Variants in MGAT4C observed in about 807,000 individuals in gnomAD.
The protein encoded by MGAT4C is MGAT4 family member C, also known as alpha-1,3-mannosyl-glycoprotein 4-beta-N-acetylglucosaminyltransferase C.
MGAT4C carries 19 observed loss-of-function variants against 40.1 expected under a neutral mutation model. The observed-to-expected ratio is 0.47, with a 90% CI of 0.33 to 0.70. MGAT4C has a LOEUF of 0.70. Ranked by LOEUF, MGAT4C falls within the 30% of genes least tolerant of loss-of-function variation. The pLI, the probability that MGAT4C is intolerant of heterozygous loss-of-function variation, is 0.02. For missense variants in MGAT4C, 491 were observed against 563.2 expected, an observed-to-expected ratio of 0.87 and a Z score of 1.30; for synonymous variants, 181 against 187.1, an observed-to-expected ratio of 0.97 and a Z score of 0.27.
At chr12:86,484,841 G>C (rs1957992117) in intron 2 of MGAT4C, among the ~76,000 whole-genome samples, 1 of 152,124 alleles carries the variant, frequency 6.6e-6, no homozygotes, top group African/African-American at 2.4e-5. Context: ...AGCAGGCTTG[G>C]TGAGTGGGGT....
chr12:86,452,393 C>G (rs1286125374), intron 2 of MGAT4C, among the ~76,000 whole-genome samples: 1 of 151,594 alleles, frequency 6.6e-6, no homozygotes, highest in East Asian at 2.0e-4. Flanking sequence ...TGATGTTCCC[C>G]TTTAACTAGG....
chr12:86,080,429 C>G (rs1025239150), intron 1 of MGAT4C, among the ~76,000 whole-genome samples: 1 of 152,126 alleles, frequency 6.6e-6, no homozygotes, highest in African/African-American at 2.4e-5. Flanking sequence ...AAATAGGCAA[C>G]ATATATTTTC....
chr12:86,493,151 G>A (rs1455954717), intron 2 of MGAT4C, among the ~76,000 whole-genome samples: 1 of 150,708 alleles, frequency 6.6e-6, no homozygotes, highest in Non-Finnish European at 1.5e-5. Flanking sequence ...GAAACAACAG[G>A]TGCTGTAGAG....
At chr12:86,615,197 A>G (rs1962410676) in intron 2 of MGAT4C, among the ~76,000 whole-genome samples, 1 of 152,058 alleles carries the variant, frequency 6.6e-6, no homozygotes, top group Non-Finnish European at 1.5e-5. Flanking sequence ...TATACTGAAA[A>G]GGATAATCAA....
chr12:86,575,276 T>A (rs1045236187), intron 2 of MGAT4C, among the ~76,000 whole-genome samples: 2 of 151,820 alleles, frequency 1.3e-5, no homozygotes, highest in Non-Finnish European at 2.9e-5. Context: ...ACTGTAGTCA[T>A]CTTGTTGTGC....
intron 2 of MGAT4C, among the ~76,000 whole-genome samples, chr12:86,478,036 A>C (rs1337251417): frequency 6.6e-6 from 1 of 152,128 alleles, no homozygotes; most frequent in Non-Finnish European, 1.5e-5. Flanking sequence ...AATTTTGTTT[A>C]TAATTTTATT....
chr12:86,812,892 T>G (rs1952504839), intron 1 of MGAT4C, among the ~76,000 whole-genome samples: 1 of 152,154 alleles, frequency 6.6e-6, no homozygotes, highest in South Asian at 2.1e-4. Flanking sequence ...CCAGAATTTC[T>G]GATCATTCAT....
chr12:86,533,018 C>T (rs984225756), intron 2 of MGAT4C, among the ~76,000 whole-genome samples: 6 of 152,080 alleles, frequency 3.9e-5, no homozygotes, highest in Admixed American at 1.3e-4. Flanking sequence ...TTGTTATTTT[C>T]CACATATCAG....
chr12:86,038,597 C>T (rs1891480888), intron 2 of MGAT4C, among the ~76,000 whole-genome samples: 1 of 146,748 alleles, frequency 6.8e-6, no homozygotes, highest in Non-Finnish European at 1.5e-5. Flanking sequence ...GGTAAATATT[C>T]CTCCATCCCT....
intron 1 of MGAT4C, among the ~76,000 whole-genome samples, chr12:86,148,465 A>T (rs149932143): frequency 2.0e-5 from 3 of 152,324 alleles, no homozygotes; most frequent in African/African-American, 7.2e-5. Context: ...AAGGGTATAG[A>T]GCTAATTGAC....
intron 2 of MGAT4C, among the ~76,000 whole-genome samples, chr12:86,519,842 C>T (rs1447862022): frequency 6.6e-6 from 1 of 152,020 alleles, no homozygotes; most frequent in East Asian, 1.9e-4. Context: ...TATTTTCTCC[C>T]ATTCTGTGGG....
intron 1 of MGAT4C, among the ~76,000 whole-genome samples, chr12:86,246,078 T>C (rs2136059858): frequency 6.6e-6 from 1 of 152,094 alleles, no homozygotes; most frequent in East Asian, 1.9e-4. Context: ...GTGTCTAAAA[T>C]ATACCTTTCT....
At chr12:85,982,862 A>C (rs1884767454) in intron 4 of MGAT4C, among the ~76,000 whole-genome samples, 2 of 152,190 alleles carry the variant, frequency 1.3e-5, no homozygotes, top group South Asian at 4.1e-4. Context: ...AAAAAGAGGA[A>C]AAGACACAGA....
intron 2 of MGAT4C, among the ~76,000 whole-genome samples, chr12:86,680,878 T>C (rs895207649): frequency 6.6e-6 from 1 of 151,978 alleles, no homozygotes; most frequent in African/African-American, 2.4e-5. Context: ...TAGAGCTGTT[T>C]GAATCCAATA....
intron 2 of MGAT4C, among the ~76,000 whole-genome samples, chr12:86,643,676 G>A (rs1431607710): frequency 6.6e-6 from 1 of 151,804 alleles, no homozygotes; most frequent in African/African-American, 2.4e-5. Context: ...TTACAAGGAG[G>A]CCTGGAGGGG....
At chr12:86,440,945 A>G (rs1010858578) in intron 2 of MGAT4C, among the ~76,000 whole-genome samples, 8 of 152,088 alleles carry the variant, frequency 5.3e-5, no homozygotes, top group African/African-American at 1.9e-4. Flanking sequence ...ACTGCAAAAC[A>G]CTGCTGGAAT....
intron 2 of MGAT4C, among the ~76,000 whole-genome samples, chr12:86,670,064 C>A (rs1037994575): frequency 3.4e-4 from 50 of 149,006 alleles, no homozygotes; most frequent in African/African-American, 1.2e-3. Flanking sequence ...GAAAAAAAAA[C>A]ACCTGAAAGA....
intron 2 of MGAT4C, among the ~76,000 whole-genome samples, chr12:86,490,058 A>G (rs190652666): frequency 3.3e-5 from 5 of 152,254 alleles, no homozygotes; most frequent in African/African-American, 1.2e-4. Flanking sequence ...ACTCAGATTC[A>G]GGAAATATAG....
intron 1 of MGAT4C, among the ~76,000 whole-genome samples, chr12:86,077,816 C>T (rs1440436334): frequency 6.6e-6 from 1 of 152,166 alleles, no homozygotes; most frequent in Non-Finnish European, 1.5e-5. Context: ...CTCTTCCTTA[C>T]CTCTGTTATG....
Sources: allele counts gnomAD v4.1 joint callset (sites outside exome capture counted in the v4.1 genomes callset), GRCh38; gene constraint gnomAD v4.1.1; transcripts MANE v1.5; gene names NCBI Gene and HGNC (gene_info 2026-07-23, HGNC 2026-07-21).